CCHCR1: variants seen among roughly 807,000 people sequenced by gnomAD.
The protein encoded by CCHCR1 is coiled-coil alpha-helical rod protein 1.
CCHCR1 carries 91 observed loss-of-function variants against 114.6 expected under a neutral mutation model. The ratio of observed to expected loss-of-function variants is 0.79; its 90% CI spans 0.67 to 0.94. The LOEUF is 0.94. Among genes scored for constraint, CCHCR1 ranks in the 40% least tolerant of loss-of-function variants. The pLI is 0.00. For missense variants in CCHCR1, 899 were observed against 1,079.9 expected (o/e 0.83, Z 2.35); for synonymous variants, 379 against 428.5 (o/e 0.88, Z 1.43).
chr6:31,154,424 C>T lies in CCHCR1; in HGVS notation c.801+72G>A. ...CTCATGGAGGGTCTTTTCTGCAATA[C>T]CTGTTCTTTGCTTGGAAGCTACTGC... On this transcript the variant is annotated intron_variant, in intron 4 of 17. Coordinates refer to ENST00000396268, the MANE Select transcript of CCHCR1 (RefSeq NM_001105564.2). The surrounding 1 kb of genome is among the most constrained non-coding windows in gnomAD (Gnocchi z 4.1). The T allele has an allele frequency of 3.2e-6, 4 of 1,243,752 alleles. No individual in the cohort carries two copies. Among genetic ancestry groups the T allele is most frequent in the African/African-American group, 1.5e-5 (1 of 67,862 alleles). 77.0% of individuals were successfully genotyped at this position (1,243,752 alleles called of 1,614,324 possible).
At chr6:31,149,382 C>CCTGA (rs1774871109) in intron 8 of CCHCR1, 1 of 152,468 alleles carries the variant, frequency 6.6e-6, no homozygotes. Flanking sequence ...GAGCATCCTA[C>CCTGA]CTGAGGCTGA....
In CCHCR1 at chr6:31,151,704, C is replaced by G. The variant is rs887375783; in HGVS notation, c.802-582G>C. ...TTCACGTCCTCCTGAGCACTTAGCACTGACCATATCTTGCTTATGTGTATG... is the reference window on the plus strand; with the variant it reads ...TTCACGTCCTCCTGAGCACTTAGCAGTGACCATATCTTGCTTATGTGTATG... On this transcript the variant is annotated intron_variant, in intron 4 of 17. Coordinates refer to ENST00000396268, the MANE Select transcript of CCHCR1 (RefSeq NM_001105564.2). This position sits in a 1 kb window ranked among gnomAD's most constrained non-coding sequence, Gnocchi z 4.1. Among the ~76,000 whole-genome samples the G allele has an allele frequency of 1.1e-4, 17 of 152,224 alleles. No individual in the cohort carries two copies. Among genetic ancestry groups the G allele is most frequent in the African/African-American group, 4.1e-4 (17 of 41,458 alleles).
rs130067 is a variant in CCHCR1, at chr6:31,150,734, T to G, written c.1092A>C (p.Glu364Asp). ...TWELERQKLL[E>D]TMQHLQEDRD... ...ATTCCTGCACCCTCACCTGCATGGT[T>G]TCCAGAAGCTTCTGTCGCTCCAGTT... is the stretch of plus-strand genomic sequence containing the variant. Residue 364 changes from glutamate (E) to aspartate (D), a missense_variant, in exon 6 of 18, where the codon GAA becomes GAC. Coordinates refer to ENST00000396268, the MANE Select transcript of CCHCR1 (RefSeq NM_001105564.2). This position sits in a 1 kb window ranked among gnomAD's most constrained non-coding sequence, Gnocchi z 5.3. 0.21 allele frequency: 332,246 copies of G among 1,611,990 alleles called. 35,893 individuals carry two copies. Among genetic ancestry groups the G allele is most frequent in the East Asian group, 0.34 (15,229 of 44,858 alleles).
Position 31,145,279 on chromosome 6 carries a change from G to T in CCHCR1, c.1763C>A (p.Thr588Lys). ...QESCPLPPPV[T>K]DVSLELQQLR... ...CTGCTGCAACTCAAGGCTCACGTCTGTGACCGGTGGTGGTAGGGGACAGCT... is the reference window on the plus strand; with the variant it reads ...CTGCTGCAACTCAAGGCTCACGTCTTTGACCGGTGGTGGTAGGGGACAGCT... The change falls in exon 13 of 18, where the codon ACA becomes AAA. Residue 588 changes from threonine (T) to lysine (K), a missense_variant. Physicochemically the swap from Thr to Lys is moderately conservative, Grantham distance 78. Coordinates refer to ENST00000396268, the MANE Select transcript of CCHCR1 (RefSeq NM_001105564.2). The T allele has an allele frequency of 6.2e-7, 1 of 1,614,022 alleles. No individual in the cohort carries two copies. The highest frequency in any genetic ancestry group is 8.5e-7 in the Non-Finnish European group (1 of 1,179,944).
At position 31,142,700 on chromosome 6, in the gene CCHCR1, C is replaced by G. The variant is rs1409596826; in HGVS notation, c.2508G>C (p.Leu836=). The change falls in exon 18 of 18, where the codon CTG becomes CTC. Residue 836 remains leucine (L), a synonymous_variant. Transcript: ENST00000396268. ...RESIKGSLSV[L]LDDLQDLSEA... The stretch of plus-strand genomic sequence containing the variant: ...CACTCAGGTCCTGCAGGTCATCGAG[C>G]AGGACAGAGAGGGACCCTGGGAAGG... 34 of 1,611,688 alleles carry G rather than the reference C, an allele frequency of 2.1e-5. No homozygotes were observed. The highest frequency in any genetic ancestry group is 2.9e-5 in the Non-Finnish European group (34 of 1,179,804).
At chr6:31,145,587 G>A in intron 11 of CCHCR1, 94 bp from the exon 12 acceptor site, 1 of 1,455,246 alleles carries the variant, frequency 6.9e-7, no homozygotes, top group Non-Finnish European at 9.7e-7. Flanking sequence ...AAGGACTGGT[G>A]AAAGGAGGAA....
At chr6:31,155,102 C>A (rs1452392638) in intron 3 of CCHCR1, among the ~76,000 whole-genome samples, 1 of 152,152 alleles carries the variant, frequency 6.6e-6, no homozygotes, top group Non-Finnish European at 1.5e-5. Context: ...ATGTGTATAT[C>A]ATTAGGCCAC....
intron 3 of CCHCR1, among the ~76,000 whole-genome samples, chr6:31,155,792 C>T (rs9263783): frequency 0.15 from 22,101 of 151,900 alleles, 1,699 homozygotes; most frequent in African/African-American, 0.16. Context: ...TTGTTGTTGT[C>T]GTTTTTAGAG....
rs779839053 is a variant in CCHCR1 at position 31,145,218 on chromosome 6, C to A, written c.1824G>T (p.Leu608=). Reference sequence around the variant, plus strand: ...GCTGGATGAGGCGGGCACTCAGCTGCAGTTCTGCATCCAGGCGGTTCCGTT... The same window carrying A: ...GCTGGATGAGGCGGGCACTCAGCTGAAGTTCTGCATCCAGGCGGTTCCGTT... ...REERNRLDAE[L]QLSARLIQQE... The change falls in exon 13 of 18, where the codon CTG becomes CTT. Residue 608 remains leucine (L), a synonymous_variant. Coordinates refer to ENST00000396268, the MANE Select transcript of CCHCR1 (RefSeq NM_001105564.2). 6.2e-7 allele frequency: 1 copy of A among 1,613,438 alleles called. No homozygotes were observed. Among genetic ancestry groups the A allele is most frequent in the Admixed American group, 1.7e-5 (1 of 60,022 alleles).
At chr6:31,157,160 A>G (rs1362324192) in intron 1 of CCHCR1, 71 bp from the exon 2 acceptor site, 23 of 1,284,664 alleles carry the variant, frequency 1.8e-5, no homozygotes, top group Admixed American at 3.7e-5. Context: ...AAGCCCCTAC[A>G]ATAACAAAGT....
At chr6:31,157,897 G>A (rs1776327648), upstream of CCHCR1, 1 of 485,898 alleles carries the variant, frequency 2.1e-6, no homozygotes, top group African/African-American at 2.0e-5. Context: ...TTTTCTGAAG[G>A]AATTATTCTG....
chr6:31,155,051 T>G (rs1268324203), intron 3 of CCHCR1, among the ~76,000 whole-genome samples: 4 of 152,134 alleles, frequency 2.6e-5, no homozygotes, highest in African/African-American at 9.7e-5. Flanking sequence ...TGGAACATGA[T>G]CTCCCTAGAG....
At position 31,143,322 on chromosome 6, in the gene CCHCR1, C is replaced by A. The variant is rs1206034207; in HGVS notation, c.2259G>T (p.Glu753Asp). Reference sequence around the variant, plus strand: ...AGCGCCGGGCCAGTCGCTGCCCCTCCTCCTTCCGGGCCTCCTCCTGCAGAC... The same window carrying A: ...AGCGCCGGGCCAGTCGCTGCCCCTCATCCTTCCGGGCCTCCTCCTGCAGAC... The part of the protein sequence containing the change: ...LRRLQEEARK[E>D]EGQRLARRLQ... Residue 753 changes from glutamate to aspartate, a missense_variant, in exon 16 of 18, where the codon GAG (glutamate) becomes GAT (aspartate). Coordinates refer to ENST00000396268, the MANE Select transcript of CCHCR1 (RefSeq NM_001105564.2). The surrounding 1 kb of genome is among the most constrained non-coding windows in gnomAD (Gnocchi z 5.3). 6.2e-7 allele frequency: 1 copy of A among 1,612,890 alleles called. No homozygotes were observed. The highest frequency in any genetic ancestry group is 1.1e-5 in the South Asian group (1 of 91,090).
chr6:31,150,394 G>T lies in CCHCR1; in HGVS notation c.1212+61C>A. The T allele has an allele frequency of 6.8e-7, 1 of 1,460,966 alleles. No individual in the cohort carries two copies. Among genetic ancestry groups the T allele is most frequent in the Non-Finnish European group, 9.5e-7 (1 of 1,050,358 alleles). The allele number at this position is 1,460,966 out of a possible 1,614,324, so 90.5% of individuals were successfully genotyped here. On this transcript the variant is annotated intron_variant, in intron 7 of 17. Coordinates refer to ENST00000396268, the MANE Select transcript of CCHCR1 (RefSeq NM_001105564.2). This position sits in a 1 kb window ranked among gnomAD's most constrained non-coding sequence, Gnocchi z 5.3. Reference sequence around the variant, plus strand: ...GACCCCTCCTGCCCACAGGGAGGGAGGCAGGGGACAGTAGATGCAGGATGC... The same window carrying T: ...GACCCCTCCTGCCCACAGGGAGGGATGCAGGGGACAGTAGATGCAGGATGC...
At chr6:31,147,183 G>A (rs1320030546) in intron 10 of CCHCR1, among the ~76,000 whole-genome samples, 1 of 151,854 alleles carries the variant, frequency 6.6e-6, no homozygotes, top group Non-Finnish European at 1.5e-5. Context: ...GGCGGATCAC[G>A]AGGTCAGAAG....
chr6:31,143,330 G>A lies in CCHCR1; in HGVS notation c.2251C>T (p.Arg751Trp), dbSNP rs749477531. Residue 751 changes from arginine to tryptophan, a missense_variant, in exon 16 of 18, where the codon CGG becomes TGG. Coordinates refer to ENST00000396268, the MANE Select transcript of CCHCR1 (RefSeq NM_001105564.2). The surrounding 1 kb of genome is among the most constrained non-coding windows in gnomAD (Gnocchi z 5.3). ...GCCAGTCGCTGCCCCTCCTCCTTCC[G>A]GGCCTCCTCCTGCAGACGCCTGAGT... Reference protein sequence around the residue: ...QELRRLQEEARKEEGQRLARR... With the variant: ...QELRRLQEEAWKEEGQRLARR... The A allele has an allele frequency of 1.6e-5, 25 of 1,612,838 alleles. No individual in the cohort carries two copies. Among genetic ancestry groups the A allele is most frequent in the East Asian group, 2.2e-5 (1 of 44,868 alleles).
rs147296625 is a variant in CCHCR1, at chr6:31,149,796, A to C, written c.1362+270T>G. 883 of 424,996 alleles carry C rather than the reference A, an allele frequency of 2.1e-3. 16 individuals are homozygous for C. The East Asian group carries it at 0.028, about 13-fold the overall frequency. The allele number at this position is 424,996 out of a possible 1,614,324, so 26.3% of individuals were successfully genotyped here. A position where few individuals can be genotyped will look rare whatever the true frequency, so the allele number is the denominator to read the frequency against. ...GGCAGGTGAATCACCTGAGGTCAGGAGTTCAAGACCAAAGTGATCGCATTA... is the reference window on the plus strand; with the variant it reads ...GGCAGGTGAATCACCTGAGGTCAGGCGTTCAAGACCAAAGTGATCGCATTA... On this transcript the variant is annotated intron_variant, in intron 8 of 17. Coordinates refer to ENST00000396268, the MANE Select transcript of CCHCR1 (RefSeq NM_001105564.2).
In CCHCR1 at chr6:31,154,549, C is replaced by A; in HGVS notation, c.748G>T (p.Glu250Ter). Reference sequence around the variant, plus strand: ...TCCAGCTCCCGCTGGCTCCCCTCTTCCAAGTTCTTCCGGACAACCTCAGCC... The same window carrying A: ...TCCAGCTCCCGCTGGCTCCCCTCTTACAAGTTCTTCCGGACAACCTCAGCC... The part of the protein sequence containing the change: ...AGAEVVRKNL[E>*]EGSQRELEEV... The change falls in exon 4 of 18, where the codon GAA (glutamate) becomes TAA (stop). Residue 250 changes from glutamate (E) to a stop codon, truncating the protein, a stop_gained. Transcript: ENST00000396268. LOFTEE classifies it high-confidence loss of function. The surrounding 1 kb of genome is among the most constrained non-coding windows in gnomAD (Gnocchi z 4.1). 1 of 1,613,084 alleles carries A rather than the reference C, an allele frequency of 6.2e-7. No homozygotes were observed. Among genetic ancestry groups the A allele is most frequent in the Non-Finnish European group, 8.5e-7 (1 of 1,179,998 alleles).
chr6:31,152,510 T>G (rs1375626316), intron 4 of CCHCR1, among the ~76,000 whole-genome samples: 1 of 151,874 alleles, frequency 6.6e-6, no homozygotes, highest in Non-Finnish European at 1.5e-5. Context: ...AGCTAATTTT[T>G]GTATTTTTAG....
Sources: allele counts gnomAD v4.1 joint callset (sites outside exome capture counted in the v4.1 genomes callset), GRCh38; gene constraint gnomAD v4.1.1; non-coding constraint Gnocchi (gnomAD v3.1); transcripts MANE v1.5; gene names NCBI Gene and HGNC (gene_info 2026-07-23, HGNC 2026-07-21).